MYORG: variants seen among roughly 807,000 people sequenced by gnomAD.
The protein encoded by MYORG is alpha-galactosidase MYORG.
A neutral mutation model predicts 49.8 loss-of-function variants in MYORG; 45 were observed. The ratio of observed to expected loss-of-function variants is 0.90; its 90% CI spans 0.71 to 1.16. The LOEUF (loss-of-function observed/expected upper bound fraction) is 1.16, where lower values mean the gene tolerates loss of function less well. MYORG is among the 50% of genes most tolerant of loss of function. The probability of loss-of-function intolerance (pLI) is 0.00; values close to 1 mark genes in which losing one functional copy is unlikely to be tolerated. For synonymous variants in MYORG, 552 were observed against 462.9 expected (o/e 1.19, Z -2.47); for missense variants, 1,110 against 1,026.5 (o/e 1.08, Z -1.11).
chr9:34,374,756 G>A (rs533098596), intron 1 of MYORG, among the ~76,000 whole-genome samples: 28 of 150,824 alleles, frequency 1.9e-4, no homozygotes, highest in South Asian at 4.2e-4. Context: ...AAAAAAATTA[G>A]CCAGGCATGG....
rs1221195146 is a variant in MYORG, at chr9:34,370,223, G to A, written c.*576C>T. 1 of 153,356 alleles carries A rather than the reference G, an allele frequency of 6.5e-6. No individual in the cohort carries two copies. The highest frequency in any genetic ancestry group is 1.5e-5 in the Non-Finnish European group (1 of 68,846). The allele number at this position is 153,356 out of a possible 1,614,324, so 9.5% of individuals were successfully genotyped here. On this transcript the variant is annotated 3_prime_UTR_variant, in exon 2 of 2. Transcript: ENST00000297625. ...CTAAGCCCAGTCCTCCTGTTCCCTG[G>A]GAGGGGATCTCTTGCCTCCTTGTCA...
rs1242455741 is a variant in MYORG at position 34,376,859 on chromosome 9, C to G, written c.-130G>C. 6.6e-6 allele frequency: 1 copy of G among 152,274 alleles called. No individual in the cohort carries two copies. The highest frequency in any genetic ancestry group is 1.9e-4 in the East Asian group (1 of 5,186). The allele number at this position is 152,274 out of a possible 1,614,324, so 9.4% of individuals were successfully genotyped here. ...TTCCCGCCGATCCCCTGCGCTTGAA[C>G]CAGAGTGAAGCTGCCGCCGCGCCGC... On this transcript the variant is annotated 5_prime_UTR_variant, in exon 1 of 2. Transcript: ENST00000297625. This position sits in a 1 kb window ranked among gnomAD's most constrained non-coding sequence, Gnocchi z 4.4.
chr9:34,375,366 C>A (rs1820702879), intron 1 of MYORG, among the ~76,000 whole-genome samples: 1 of 152,202 alleles, frequency 6.6e-6, no homozygotes, highest in South Asian at 2.1e-4. Flanking sequence ...CTTGTCAGCC[C>A]TAGCTGGTCT....
At position 34,372,069 on chromosome 9, in the gene MYORG, A is replaced by G. The variant is rs1379348486; in HGVS notation, c.875T>C (p.Ile292Thr). Residue 292 changes from isoleucine (I) to threonine (T), a missense_variant, in exon 2 of 2, where the codon ATC becomes ACC. By Grantham distance (89) the Ile-to-Thr change is moderately conservative. Coordinates refer to ENST00000297625, the MANE Select transcript of MYORG (RefSeq NM_020702.5). ...GTAGCGACGCACCATGTACTTGTGG[A>G]TGGAGGTGACGTCTGAGCCCACGCA... ...RVCVGSDVTSIHKYMVRRYFN... is the reference protein window; with the variant it reads ...RVCVGSDVTSTHKYMVRRYFN... 2 of 1,613,656 alleles carry G rather than the reference A, an allele frequency of 1.2e-6. No individual in the cohort carries two copies. The highest frequency in any genetic ancestry group is 1.7e-5 in the Admixed American group (1 of 60,026).
At position 34,372,603 on chromosome 9, in the gene MYORG, G is replaced by T. The variant is rs1563982817; in HGVS notation, c.341C>A (p.Ala114Asp). Residue 114 changes from alanine (A) to aspartate (D), a missense_variant, in exon 2 of 2, where the codon GCC becomes GAC. Transcript: ENST00000297625. ...NQKGEQVFRLAFRSGALDLDS... is the reference protein window; with the variant it reads ...NQKGEQVFRLDFRSGALDLDS... ...AAGGTCCAGCGCGCCGGAGCGGAAG[G>T]CCAGGCGGAAGACCTGCTCTCCCTT... The T allele has an allele frequency of 6.2e-7, 1 of 1,604,420 alleles. No individual in the cohort carries two copies. Among genetic ancestry groups the T allele is most frequent in the Admixed American group, 1.7e-5 (1 of 58,690 alleles).
chr9:34,371,831 G>A lies in MYORG; in HGVS notation c.1113C>T (p.Pro371=), dbSNP rs760371289. The A allele has an allele frequency of 1.9e-6, 3 of 1,614,068 alleles. 1 individual carries two copies. In the South Asian group the frequency reaches 3.3e-5, roughly 18 times the overall value. ...GGCGGCGGAACATGTCGCTGGCGTT[G>A]GGGAATTTGACCTCATCGAAGTCGA... is the stretch of plus-strand genomic sequence containing the variant. The part of the protein sequence containing the change: ...GDFDFDEVKF[P]NASDMFRRLR... Residue 371 remains proline, a synonymous_variant, in exon 2 of 2, where the codon CCC becomes CCT. Coordinates refer to ENST00000297625, the MANE Select transcript of MYORG (RefSeq NM_020702.5).
At chr9:34,375,643 G>C (rs542240595) in intron 1 of MYORG, among the ~76,000 whole-genome samples, 2 of 152,344 alleles carry the variant, frequency 1.3e-5, no homozygotes, top group East Asian at 1.9e-4. Context: ...GAAGAGGAGA[G>C]AGACTTCCTC....
At position 34,376,311 on chromosome 9, in the gene MYORG, TC is replaced by T. The variant is rs970028020; in HGVS notation, c.-64+481del. Among the ~76,000 whole-genome samples the T allele has an allele frequency of 2.6e-5, 4 of 152,176 alleles. No individual in the cohort carries two copies. The highest frequency in any genetic ancestry group is 9.7e-5 in the African/African-American group (4 of 41,436). ...CCAGAGACCTCTGTAATCTGCCGCC[TC>T]CGCCAGGTGGAGTCTGGGCTCTGCC... On this transcript the variant is annotated intron_variant, in intron 1 of 1. Transcript: ENST00000297625. This position sits in a 1 kb window ranked among gnomAD's most constrained non-coding sequence, Gnocchi z 4.4.
Position 34,371,276 on chromosome 9 carries a change from G to C in MYORG, c.1668C>G (p.Gly556=), listed in dbSNP as rs566335726. ...CGGCTGTCCGCTGGGGCACGGCGTT[G>C]CCGCCCACCATATCGGGTAGGATGA... ...YPFILPDMVG[G]NAVPQRTAGG... The change falls in exon 2 of 2, where the codon GGC becomes GGG. Residue 556 remains glycine, a synonymous_variant. Transcript: ENST00000297625. 1.2e-4 allele frequency: 189 copies of C among 1,609,714 alleles called. 2 individuals carry two copies. In the Admixed American group the frequency reaches 3.2e-3, roughly 27 times the overall value.
At chr9:34,373,979 T>TG (rs1820682737) in intron 1 of MYORG, among the ~76,000 whole-genome samples, 1 of 152,180 alleles carries the variant, frequency 6.6e-6, no homozygotes, top group South Asian at 2.1e-4. Context: ...GAGCCTGGCA[T>TG]GGGGGGCCAG....
rs371063506 is a variant in MYORG, at chr9:34,371,492, G to A, written c.1452C>T (p.Ser484=). 3.7e-5 allele frequency: 60 copies of A among 1,611,392 alleles called. No homozygotes were observed. In the African/African-American group the frequency reaches 7.5e-4, roughly 20 times the overall value. Residue 484 remains serine (S), a synonymous_variant, in exon 2 of 2, where the codon AGC becomes AGT. Transcript: ENST00000297625. ...FSTYRPLPDP[S]VWSRRYTEMA... ...TCTCAGTGTAGCGCCGGCTCCAGAC[G>A]CTGGGGTCCGGCAGCGGCCGGTAGG...
chr9:34,367,647 C>A lies in MYORG; in HGVS notation c.*3152G>T, dbSNP rs569145501. 6.6e-5 allele frequency: 10 copies of A among 152,354 alleles called. 1 individual carries two copies. The highest frequency in any genetic ancestry group is 2.4e-4 in the African/African-American group (10 of 41,590). The allele number at this position is 152,354 out of a possible 1,614,324, so 9.4% of individuals were successfully genotyped here. A position where few individuals can be genotyped will look rare whatever the true frequency, so the allele number is the denominator to read the frequency against. On this transcript the variant is annotated 3_prime_UTR_variant, in exon 2 of 2. Transcript: ENST00000297625. ...TGGTCTCCTTTGACTCCATGTCTCA[C>A]ATCCAGGTCACACTGATGCAGGAGG...
intron 1 of MYORG, among the ~76,000 whole-genome samples, chr9:34,374,305 C>T (rs1820687243): frequency 6.6e-6 from 1 of 152,192 alleles, no homozygotes; most frequent in Non-Finnish European, 1.5e-5. Context: ...CTATCCCTAG[C>T]TTCGAGAGCT....
Position 34,376,404 on chromosome 9 carries a change from G to T in MYORG, c.-64+389C>A, listed in dbSNP as rs551224406. ...GGCTGCCACAGCTAGTCTGGTCTGA[G>T]GGGGAGGGCCCCGCCCGACTCAACT... is the stretch of plus-strand genomic sequence containing the variant. On this transcript the variant is annotated intron_variant, in intron 1 of 1. Transcript: ENST00000297625. The surrounding 1 kb of genome is among the most constrained non-coding windows in gnomAD (Gnocchi z 4.4). Among the ~76,000 whole-genome samples the T allele has an allele frequency of 1.3e-5, 2 of 152,224 alleles. No individual in the cohort carries two copies. The highest frequency in any genetic ancestry group is 1.9e-4 in the East Asian group (1 of 5,192).
chr9:34,370,681 C>T lies in MYORG; in HGVS notation c.*118G>A, dbSNP rs1266361015. 7.1e-7 allele frequency: 1 copy of T among 1,408,400 alleles called. No individual in the cohort carries two copies. Among genetic ancestry groups the T allele is most frequent in the Non-Finnish European group, 9.3e-7 (1 of 1,078,272 alleles). The allele number at this position is 1,408,400 out of a possible 1,614,324, so 87.2% of individuals were successfully genotyped here. ...GTTCCAGCACATTTAAGTCAGCAGC[C>T]ACTTAATGGGTGGTATAGAGGTGGG... is the stretch of plus-strand genomic sequence containing the variant. On this transcript the variant is annotated 3_prime_UTR_variant, in exon 2 of 2. Transcript: ENST00000297625.
At position 34,372,529 on chromosome 9, in the gene MYORG, C is replaced by T. The variant is rs575445815; in HGVS notation, c.415G>A (p.Asp139Asn). Reference sequence around the variant, plus strand: ...ATGAAGAAGTGCAGCGGCAGCCCGTCGGCCGTGAGCGAGCAGCCCAGCAGG... The same window carrying T: ...ATGAAGAAGTGCAGCGGCAGCCCGTTGGCCGTGAGCGAGCAGCCCAGCAGG... ...GALLGCSLTADGLPLHFFIQT... is the reference protein window; with the variant it reads ...GALLGCSLTANGLPLHFFIQT... The change falls in exon 2 of 2, where the codon GAC becomes AAC. Residue 139 changes from aspartate to asparagine, a missense_variant. Asp to Asn is a conservative substitution (Grantham distance 23, BLOSUM62 1). Coordinates refer to ENST00000297625, the MANE Select transcript of MYORG (RefSeq NM_020702.5). 4.4e-6 allele frequency: 7 copies of T among 1,600,256 alleles called. No homozygotes were observed. Among genetic ancestry groups the T allele is most frequent in the Non-Finnish European group, 5.1e-6 (6 of 1,174,366 alleles).
rs757094308 is a variant in MYORG, at chr9:34,371,685, G to A, written c.1259C>T (p.Pro420Leu). The A allele has an allele frequency of 6.2e-7, 1 of 1,609,858 alleles. No individual in the cohort carries two copies. The highest frequency in any genetic ancestry group is 8.5e-7 in the Non-Finnish European group (1 of 1,178,138). Reference protein sequence around the residue: ...LFVREPTGRLPALVRWWNGIG... With the variant: ...LFVREPTGRLLALVRWWNGIG... ...GCCGTTCCACCAGCGCACCAGCGCA[G>A]GTAACCGGCCCGTGGGTTCGCGCAC... The change falls in exon 2 of 2, where the codon CCT (proline) becomes CTT (leucine). Residue 420 changes from proline to leucine, a missense_variant. By Grantham distance (98) the Pro-to-Leu change is moderately conservative. Transcript: ENST00000297625.
In MYORG at chr9:34,368,186, C is replaced by T. The variant is rs1316922275; in HGVS notation, c.*2613G>A. 6.6e-6 allele frequency: 1 copy of T among 152,310 alleles called. No individual in the cohort carries two copies. The highest frequency in any genetic ancestry group is 2.4e-5 in the African/African-American group (1 of 41,478). The allele number at this position is 152,310 out of a possible 1,614,324, so 9.4% of individuals were successfully genotyped here. A position where few individuals can be genotyped will look rare whatever the true frequency, so the allele number is the denominator to read the frequency against. Reference sequence around the variant, plus strand: ...CCTGGGCTGCACACAGCAAGGGGACCTTGGGCCTGGCCCACAAAACCATTT... The same window carrying T: ...CCTGGGCTGCACACAGCAAGGGGACTTTGGGCCTGGCCCACAAAACCATTT... On this transcript the variant is annotated 3_prime_UTR_variant, in exon 2 of 2. Transcript: ENST00000297625.
intron 1 of MYORG, among the ~76,000 whole-genome samples, chr9:34,373,402 C>T (rs983158000): frequency 1.3e-5 from 2 of 152,138 alleles, no homozygotes; most frequent in Admixed American, 1.3e-4. Context: ...TCCTGCTCTC[C>T]TAGAGGTGTG....
Sources: allele counts gnomAD v4.1 joint callset (sites outside exome capture counted in the v4.1 genomes callset), GRCh38; gene constraint gnomAD v4.1.1; non-coding constraint Gnocchi (gnomAD v3.1); transcripts MANE v1.5; gene names NCBI Gene and HGNC (gene_info 2026-07-23, HGNC 2026-07-21).